Variants in POU2F1 observed in about 807,000 individuals in gnomAD.
POU2F1 encodes POU domain, class 2, transcription factor 1.
In POU2F1, 16 loss-of-function variants were observed where a neutral mutation model predicts 84.9. The ratio of observed to expected loss-of-function variants is 0.19; its 90% CI spans 0.13 to 0.29. POU2F1 has a LOEUF of 0.29. Among genes scored for constraint, POU2F1 ranks in the 10% least tolerant of loss-of-function variants. The pLI is 1.00. For missense variants in POU2F1, 738 were observed against 942.6 expected (o/e 0.78, Z 2.84); for synonymous variants, 368 against 368.3 (o/e 1.00, Z 0.01).
At chr1:167,221,053 G>A in intron 1 of POU2F1, 95 bp downstream of exon 1, 1 of 1,132,412 alleles carries the variant, frequency 8.8e-7, no homozygotes, top group South Asian at 1.4e-5. Context: ...TAGTACTCAG[G>A]ATTATTATAA....
intron 1 of POU2F1, among the ~76,000 whole-genome samples, chr1:167,294,988 G>A (rs1465369854): frequency 1.3e-5 from 2 of 151,958 alleles, no homozygotes; most frequent in African/African-American, 4.8e-5. Flanking sequence ...ACAAAAATTA[G>A]CCGGGTGTGG....
rs1650706112 is a variant in POU2F1 at position 167,422,474 on chromosome 1, A to T, written c.*6664A>T. The T allele has an allele frequency of 6.6e-6, 1 of 152,242 alleles. No homozygotes were observed. Among genetic ancestry groups the T allele is most frequent in the East Asian group, 1.9e-4 (1 of 5,206 alleles). The allele number at this position is 152,242 out of a possible 1,614,324, so 9.4% of individuals were successfully genotyped here. ...AAAAACACAAACAGGATAAAAAGCAAACCAAGAAGTTGAAAGCTAACCTGC... is the reference window on the plus strand; with the variant it reads ...AAAAACACAAACAGGATAAAAAGCATACCAAGAAGTTGAAAGCTAACCTGC... On this transcript the variant is annotated 3_prime_UTR_variant, in exon 16 of 16. Transcript: ENST00000367866.
At position 167,423,590 on chromosome 1, in the gene POU2F1, T is replaced by C. The variant is rs1650772051; in HGVS notation, c.*7780T>C. 6.6e-6 allele frequency: 1 copy of C among 152,166 alleles called. No homozygotes were observed. Among genetic ancestry groups the C allele is most frequent in the Non-Finnish European group, 1.5e-5 (1 of 68,032 alleles). 9.4% of individuals were successfully genotyped at this position (152,166 alleles called of 1,614,324 possible). A position where few individuals can be genotyped will look rare whatever the true frequency, so the allele number is the denominator to read the frequency against. On this transcript the variant is annotated 3_prime_UTR_variant, in exon 16 of 16. Coordinates refer to ENST00000367866, the MANE Select transcript of POU2F1 (RefSeq NM_002697.4). ...GACCTGGTAGGGAAGATGTGATTTATGATTGTTTCTGTGTCCCTGTATCTG... is the reference window on the plus strand; with the variant it reads ...GACCTGGTAGGGAAGATGTGATTTACGATTGTTTCTGTGTCCCTGTATCTG...
intron 12 of POU2F1, among the ~76,000 whole-genome samples, chr1:167,400,638 G>C (rs1195404842): frequency 6.6e-6 from 1 of 152,164 alleles, no homozygotes; most frequent in Non-Finnish European, 1.5e-5. Flanking sequence ...ATTATTCCTA[G>C]ACTGAAGAGA....
intron 9 of POU2F1, among the ~76,000 whole-genome samples, chr1:167,390,847 G>A (rs1394773918): frequency 6.6e-6 from 1 of 152,124 alleles, no homozygotes; most frequent in Admixed American, 6.5e-5. Flanking sequence ...AAGAGAGAGG[G>A]TGATGGAGAC....
chr1:167,230,220 G>A (rs1045761736), intron 1 of POU2F1, among the ~76,000 whole-genome samples: 58 of 152,260 alleles, frequency 3.8e-4, no homozygotes, highest in African/African-American at 1.4e-3. Context: ...TTGGGACGTT[G>A]TGTGAGAACC....
At chr1:167,351,513 C>T (rs557932318) in intron 2 of POU2F1, among the ~76,000 whole-genome samples, 100 of 78,832 alleles carry the variant, frequency 1.3e-3, no homozygotes, top group African/African-American at 4.8e-3. Flanking sequence ...GAATGAAGCA[C>T]CATCTCAAAA....
chr1:167,399,070 A>G (rs999993439), intron 11 of POU2F1, 116 bp from the exon 12 acceptor site: 1 of 926,414 alleles, frequency 1.1e-6, no homozygotes, highest in South Asian at 2.2e-5. Flanking sequence ...AAAGTGGCCT[A>G]ATGTGGATGG....
intron 14 of POU2F1, 107 bp from the exon 15 acceptor site, chr1:167,412,919 C>A: frequency 2.4e-6 from 2 of 823,170 alleles, no homozygotes; most frequent in Non-Finnish European, 2.0e-6. Flanking sequence ...AATATTTCCA[C>A]CTATTTCCCC....
At position 167,361,923 on chromosome 1, in the gene POU2F1, T is replaced by C. The variant is rs559373798; in HGVS notation, c.128-3544T>C. 2.0e-5 allele frequency among the ~76,000 whole-genome samples: 3 copies of C among 152,322 alleles called. No homozygotes were observed. In the South Asian group the frequency reaches 6.2e-4, roughly 32 times the overall value. On this transcript the variant is annotated intron_variant, in intron 2 of 15. Coordinates refer to ENST00000367866, the MANE Select transcript of POU2F1 (RefSeq NM_002697.4). ...TTTTTTCTACTTTTCCAACTGCTCCTTCTGTTTCTCTGTGTCTTCATGTCT... is the reference window on the plus strand; with the variant it reads ...TTTTTTCTACTTTTCCAACTGCTCCCTCTGTTTCTCTGTGTCTTCATGTCT...
At chr1:167,322,441 G>C (rs1198256664) in intron 1 of POU2F1, among the ~76,000 whole-genome samples, 1 of 152,242 alleles carries the variant, frequency 6.6e-6, no homozygotes, top group East Asian at 1.9e-4. Flanking sequence ...CACTGGCAAG[G>C]GTTGACAGAT....
At chr1:167,254,927 G>T (rs1052094321) in intron 1 of POU2F1, among the ~76,000 whole-genome samples, 2 of 152,068 alleles carry the variant, frequency 1.3e-5, no homozygotes, top group African/African-American at 4.8e-5. Flanking sequence ...TTTTTCTACT[G>T]CCAGGAACAA....
chr1:167,238,446 G>A (rs1017352527), intron 1 of POU2F1, among the ~76,000 whole-genome samples: 15 of 152,180 alleles, frequency 9.9e-5, no homozygotes, highest in Middle Eastern at 3.4e-3. Context: ...AGATCAGAAG[G>A]AAACTTCTCT....
rs1025749373 is a variant in POU2F1 at position 167,416,567 on chromosome 1, A to C, written c.*757A>C. 1.3e-5 allele frequency: 2 copies of C among 153,518 alleles called. No homozygotes were observed. The highest frequency in any genetic ancestry group is 4.8e-5 in the African/African-American group (2 of 41,460). The allele number at this position is 153,518 out of a possible 1,614,324, so 9.5% of individuals were successfully genotyped here. A position where few individuals can be genotyped will look rare whatever the true frequency, so the allele number is the denominator to read the frequency against. On this transcript the variant is annotated 3_prime_UTR_variant, in exon 16 of 16. Transcript: ENST00000367866. ...TTTCCTTATCCTTGATGACTCTTACAGAGGTGCTAGAAAATTATTTTCTTT... is the reference window on the plus strand; with the variant it reads ...TTTCCTTATCCTTGATGACTCTTACCGAGGTGCTAGAAAATTATTTTCTTT...
At chr1:167,358,315 A>AT (rs1659109386) in intron 2 of POU2F1, among the ~76,000 whole-genome samples, 1 of 150,728 alleles carries the variant, frequency 6.6e-6, no homozygotes, top group Non-Finnish European at 1.5e-5. Context: ...ATTATTTAGT[A>AT]TTTTTTCATA....
intron 1 of POU2F1, among the ~76,000 whole-genome samples, chr1:167,256,190 A>G (rs1291433139): frequency 6.6e-6 from 1 of 152,150 alleles, no homozygotes; most frequent in East Asian, 1.9e-4. Context: ...TTATCTGGCC[A>G]TCAACGGGAA....
At chr1:167,293,553 T>C (rs144286110) in intron 1 of POU2F1, among the ~76,000 whole-genome samples, 1 of 152,298 alleles carries the variant, frequency 6.6e-6, no homozygotes, top group African/African-American at 2.4e-5. Flanking sequence ...ACAGATTCAA[T>C]GCAGTCCCTA....
chr1:167,224,825 CTT>C (rs774351969), intron 1 of POU2F1, among the ~76,000 whole-genome samples: 12 of 122,202 alleles, frequency 9.8e-5, no homozygotes, highest in Non-Finnish European at 1.9e-4. Flanking sequence ...TCACTGTCTT[CTT>C]TTTTTTTTTT....
chr1:167,327,543 C>T (rs540793775), intron 1 of POU2F1, among the ~76,000 whole-genome samples: 3 of 152,262 alleles, frequency 2.0e-5, no homozygotes, highest in African/African-American at 7.2e-5. Context: ...TCTTTCATTT[C>T]CTGAAGACTA....
Sources: allele counts gnomAD v4.1 joint callset (sites outside exome capture counted in the v4.1 genomes callset), GRCh38; gene constraint gnomAD v4.1.1; transcripts MANE v1.5; gene names NCBI Gene and HGNC (gene_info 2026-07-23, HGNC 2026-07-21).